MFSD6: variants seen among roughly 807,000 people sequenced by gnomAD.
MFSD6 encodes major facilitator superfamily domain containing 6, also known as major facilitator superfamily domain-containing protein 6.
MFSD6 carries 26 observed loss-of-function variants against 56.3 expected under a neutral mutation model. The observed-to-expected ratio is 0.46, with a 90% confidence interval of 0.34 to 0.64. MFSD6 has a LOEUF of 0.64. Among genes scored for constraint, MFSD6 ranks in the 30% least tolerant of loss-of-function variants. The pLI, the probability that MFSD6 is intolerant of heterozygous loss-of-function variation, is 0.01. For missense variants in MFSD6, 750 were observed against 986.2 expected (o/e 0.76, Z 3.21); for synonymous variants, 331 against 366.9 (o/e 0.90, Z 1.12).
intron 3 of MFSD6, among the ~76,000 whole-genome samples, chr2:190,450,363 G>A (rs914078496): frequency 1.3e-5 from 2 of 151,886 alleles, no homozygotes; most frequent in Non-Finnish European, 2.9e-5. Context: ...ACTTGAAGAA[G>A]TAACAATTCC....
chr2:190,490,959 TTCTC>T lies in MFSD6; in HGVS notation c.1891+1099_1891+1102del, dbSNP rs1189320416. ...TTGTTCTTTTATAATCCTAAATGGA[TTCTC>T]TCTCTTACACAGCCTCAGTCCATGC... On this transcript the variant is annotated intron_variant, in intron 6 of 7. Coordinates refer to ENST00000392328, the MANE Select transcript of MFSD6 (RefSeq NM_017694.4). The surrounding 1 kb of genome is among the most constrained non-coding windows in gnomAD (Gnocchi z 4.5). 1.3e-5 allele frequency among the ~76,000 whole-genome samples: 2 copies of T among 152,232 alleles called. No homozygotes were observed. Among genetic ancestry groups the T allele is most frequent in the Non-Finnish European group, 2.9e-5 (2 of 68,042 alleles).
rs1052415006 is a variant in MFSD6 at position 190,490,506 on chromosome 2, T to A, written c.1891+640T>A. Among the ~76,000 whole-genome samples the A allele has an allele frequency of 6.6e-6, 1 of 151,374 alleles. No individual in the cohort carries two copies. The highest frequency in any genetic ancestry group is 2.4e-5 in the African/African-American group (1 of 41,156). ...TGAACCCAGGAGGTGGAGCTTGCAG[T>A]GAGCCGAGATAGCACCACTGCAGTC... is the stretch of plus-strand genomic sequence containing the variant. On this transcript the variant is annotated intron_variant, in intron 6 of 7. Transcript: ENST00000392328. This position sits in a 1 kb window ranked among gnomAD's most constrained non-coding sequence, Gnocchi z 4.5.
rs1228351331 is a variant in MFSD6 at position 190,418,836 on chromosome 2, TGCTAGTAGCAGCTCTGGGGA to T, written c.-54+3446_-54+3465del. Among the ~76,000 whole-genome samples the T allele has an allele frequency of 3.6e-4, 55 of 152,358 alleles. No homozygotes were observed. Among genetic ancestry groups the T allele is most frequent in the African/African-American group, 1.1e-3 (46 of 41,590 alleles). On this transcript the variant is annotated intron_variant, in intron 2 of 7. Coordinates refer to ENST00000392328, the MANE Select transcript of MFSD6 (RefSeq NM_017694.4). The surrounding 1 kb of genome is among the most constrained non-coding windows in gnomAD (Gnocchi z 4.1). ...AGGAGTTTCAATCCCAGTGGAATGCTGCTAGTAGCAGCTCTGGGGAGCTAGTAGCAGCTCTGGGGAGCCCG... is the reference window on the plus strand; with the variant it reads ...AGGAGTTTCAATCCCAGTGGAATGCTGCTAGTAGCAGCTCTGGGGAGCCCG...
intron 4 of MFSD6, among the ~76,000 whole-genome samples, chr2:190,482,356 G>A (rs981519676): frequency 3.3e-5 from 5 of 150,582 alleles, no homozygotes; most frequent in African/African-American, 4.9e-5. Context: ...AGGAAGAATA[G>A]TCTCTTACTG....
intron 4 of MFSD6, among the ~76,000 whole-genome samples, chr2:190,480,680 T>C (rs1017683328): frequency 2.6e-5 from 4 of 152,236 alleles, no homozygotes; most frequent in African/African-American, 9.6e-5. Flanking sequence ...TGGGTTTGAA[T>C]TCTAACTCCC....
intron 2 of MFSD6, among the ~76,000 whole-genome samples, chr2:190,430,583 G>A (rs1685936919): frequency 2.6e-5 from 4 of 152,062 alleles, no homozygotes; most frequent in Admixed American, 2.6e-4. Flanking sequence ...AGAACAAAAT[G>A]AAAAGTCTCC....
chr2:190,499,864 A>AAG lies in MFSD6; in HGVS notation c.2173-151_2173-150insAG. The AAG allele has an allele frequency of 1.3e-6, 2 of 1,550,806 alleles. No individual in the cohort carries two copies. Among genetic ancestry groups the AAG allele is most frequent in the Non-Finnish European group, 1.7e-6 (2 of 1,146,870 alleles). ...TAGGAAAGGAGATGAAAGGTAAGAC[A>AAG]TTCTATCCTTATTCCTCTATTACTT... On this transcript the variant is annotated intron_variant, in intron 7 of 7. Coordinates refer to ENST00000392328, the MANE Select transcript of MFSD6 (RefSeq NM_017694.4). This position sits in a 1 kb window ranked among gnomAD's most constrained non-coding sequence, Gnocchi z 6.0.
intron 2 of MFSD6, among the ~76,000 whole-genome samples, chr2:190,420,926 C>G (rs1685589789): frequency 6.6e-6 from 1 of 152,076 alleles, no homozygotes; most frequent in South Asian, 2.1e-4. Flanking sequence ...ATATGGGATA[C>G]TGAATGTCAT....
chr2:190,465,006 C>G lies in MFSD6; in HGVS notation c.1533-4752C>G. 1 of 677,772 alleles carries G rather than the reference C, an allele frequency of 1.5e-6. No individual in the cohort carries two copies. The highest frequency in any genetic ancestry group is 1.8e-6 in the Non-Finnish European group (1 of 547,942). The allele number at this position is 677,772 out of a possible 1,614,324, so 42.0% of individuals were successfully genotyped here. ...TACACTGTTAGGAATTACAGAATGA[C>G]TCATAATTCATTGTATCTATATCTT... On this transcript the variant is annotated intron_variant, in intron 3 of 7. Coordinates refer to ENST00000392328, the MANE Select transcript of MFSD6 (RefSeq NM_017694.4). The surrounding 1 kb of genome is among the most constrained non-coding windows in gnomAD (Gnocchi z 4.6).
In MFSD6 at chr2:190,457,569, T is replaced by C. The variant is rs956418942; in HGVS notation, c.1533-12189T>C. 1.3e-5 allele frequency among the ~76,000 whole-genome samples: 2 copies of C among 152,216 alleles called. No individual in the cohort carries two copies. Among genetic ancestry groups the C allele is most frequent in the African/African-American group, 2.4e-5 (1 of 41,442 alleles). On this transcript the variant is annotated intron_variant, in intron 3 of 7. Coordinates refer to ENST00000392328, the MANE Select transcript of MFSD6 (RefSeq NM_017694.4). The surrounding 1 kb of genome is among the most constrained non-coding windows in gnomAD (Gnocchi z 5.1). ...GAGAATTTTATTTCCTTGAAGCCAATTGACCTGAATGGAAGTTAGGACCCC... is the reference window on the plus strand; with the variant it reads ...GAGAATTTTATTTCCTTGAAGCCAACTGACCTGAATGGAAGTTAGGACCCC...
Position 190,500,706 on chromosome 2 carries a change from TA to T in MFSD6, c.*493del, listed in dbSNP as rs1689984963. The T allele has an allele frequency of 6.5e-6, 1 of 153,830 alleles. No individual in the cohort carries two copies. The highest frequency in any genetic ancestry group is 1.4e-5 in the Non-Finnish European group (1 of 69,174). 9.5% of individuals were successfully genotyped at this position (153,830 alleles called of 1,614,324 possible). A position where few individuals can be genotyped will look rare whatever the true frequency, so the allele number is the denominator to read the frequency against. On this transcript the variant is annotated 3_prime_UTR_variant, in exon 8 of 8. Coordinates refer to ENST00000392328, the MANE Select transcript of MFSD6 (RefSeq NM_017694.4). This position sits in a 1 kb window ranked among gnomAD's most constrained non-coding sequence, Gnocchi z 5.3. The stretch of plus-strand genomic sequence containing the variant: ...CGTTTAAAAAATTACAAGATATATT[TA>T]AAAAGTAACCAGATAAAAGTAGCAC...
chr2:190,469,890 G>C lies in MFSD6; in HGVS notation c.1630+35G>C. On this transcript the variant is annotated intron_variant, in intron 4 of 7. Transcript: ENST00000392328. This position sits in a 1 kb window ranked among gnomAD's most constrained non-coding sequence, Gnocchi z 5.3. ...CAGCTGGGATTGAAATTATTTCTCT[G>C]CCTTCCCTGAGCTGTGGCTAAAAGC... 6.7e-7 allele frequency: 1 copy of C among 1,481,490 alleles called. No homozygotes were observed. The highest frequency in any genetic ancestry group is 9.4e-7 in the Non-Finnish European group (1 of 1,064,688). 91.8% of individuals were successfully genotyped at this position (1,481,490 alleles called of 1,614,324 possible). A position where few individuals can be genotyped will look rare whatever the true frequency, so the allele number is the denominator to read the frequency against.
rs1310055691 is a variant in MFSD6 at position 190,426,251 on chromosome 2, G to T, written c.-53-9726G>T. ...GGCTCTTTCACTTTATTTTCTCTCT[G>T]TTCAGATTGTGTAATTCCTATTGTT... On this transcript the variant is annotated intron_variant, in intron 2 of 7. Coordinates refer to ENST00000392328, the MANE Select transcript of MFSD6 (RefSeq NM_017694.4). This position sits in a 1 kb window ranked among gnomAD's most constrained non-coding sequence, Gnocchi z 4.7. Among the ~76,000 whole-genome samples, 2 of 151,690 alleles carry T rather than the reference G, an allele frequency of 1.3e-5. No individual in the cohort carries two copies. The highest frequency in any genetic ancestry group is 2.9e-5 in the Non-Finnish European group (2 of 67,934).
At chr2:190,453,222 C>G (rs541330651) in intron 3 of MFSD6, among the ~76,000 whole-genome samples, 12 of 152,118 alleles carry the variant, frequency 7.9e-5, no homozygotes, top group African/African-American at 2.7e-4. Context: ...AGTTATATTA[C>G]AGATTAGGTA....
rs1316362764 is a variant in MFSD6 at position 190,412,337 on chromosome 2, C to G, written c.-175-2955C>G. ...GTATTTTACAGAAGAGATATTCTCA[C>G]AATTTTAGGTATTATCCAACATTTC... On this transcript the variant is annotated intron_variant, in intron 1 of 7. Transcript: ENST00000392328. This position sits in a 1 kb window ranked among gnomAD's most constrained non-coding sequence, Gnocchi z 4.1. 9.1e-6 allele frequency: 9 copies of G among 983,988 alleles called. No individual in the cohort carries two copies. Among genetic ancestry groups the G allele is most frequent in the Non-Finnish European group, 1.1e-5 (9 of 828,666 alleles). The allele number at this position is 983,988 out of a possible 1,614,324, so 61.0% of individuals were successfully genotyped here. A position where few individuals can be genotyped will look rare whatever the true frequency, so the allele number is the denominator to read the frequency against.
At chr2:190,474,148 T>G (rs1297963927) in intron 4 of MFSD6, among the ~76,000 whole-genome samples, 1 of 149,442 alleles carries the variant, frequency 6.7e-6, no homozygotes, top group Non-Finnish European at 1.5e-5. Context: ...ACATCACAAT[T>G]AAAAGAACTA....
intron 6 of MFSD6, among the ~76,000 whole-genome samples, chr2:190,493,562 A>G (rs1689488077): frequency 6.6e-6 from 1 of 152,172 alleles, no homozygotes; most frequent in Non-Finnish European, 1.5e-5. Flanking sequence ...ATTCTACCCA[A>G]CAACTGCAGA....
intron 1 of MFSD6, chr2:190,411,637 C>A (rs1270747556): frequency 2.0e-6 from 2 of 977,556 alleles, no homozygotes; most frequent in Non-Finnish European, 2.4e-6. Context: ...TTATAACAAT[C>A]CAAAGTAAGA....
Position 190,461,566 on chromosome 2 carries a change from A to G in MFSD6, c.1533-8192A>G, listed in dbSNP as rs1444164439. Reference sequence around the variant, plus strand: ...CTGGAGGCTGGGAAGTGCAAGATCAAAGTGTTGGCAGGTTCGGTGACTGGT... The same window carrying G: ...CTGGAGGCTGGGAAGTGCAAGATCAGAGTGTTGGCAGGTTCGGTGACTGGT... On this transcript the variant is annotated intron_variant, in intron 3 of 7. Coordinates refer to ENST00000392328, the MANE Select transcript of MFSD6 (RefSeq NM_017694.4). The surrounding 1 kb of genome is among the most constrained non-coding windows in gnomAD (Gnocchi z 5.5). Among the ~76,000 whole-genome samples the G allele has an allele frequency of 6.6e-6, 1 of 152,216 alleles. No homozygotes were observed. Among genetic ancestry groups the G allele is most frequent in the Non-Finnish European group, 1.5e-5 (1 of 68,040 alleles).
Sources: allele counts gnomAD v4.1 joint callset (sites outside exome capture counted in the v4.1 genomes callset), GRCh38; gene constraint gnomAD v4.1.1; non-coding constraint Gnocchi (gnomAD v3.1); transcripts MANE v1.5; gene names NCBI Gene and HGNC (gene_info 2026-07-23, HGNC 2026-07-21).